Variants in XDH observed in about 807,000 individuals in gnomAD.
XDH encodes xanthine dehydrogenase/oxidase.
A neutral mutation model predicts 156.1 loss-of-function variants in XDH; 138 were observed. The ratio of observed to expected loss-of-function variants is 0.88; its 90% CI spans 0.77 to 1.02. The LOEUF (loss-of-function observed/expected upper bound fraction) is 1.02, where lower values mean the gene tolerates loss of function less well. Ranked by LOEUF, XDH falls within the 50% of genes least tolerant of loss-of-function variation. XDH has a pLI of 0.00. For synonymous variants in XDH, 669 were observed against 625.7 expected (o/e 1.07, Z -1.03); for missense variants, 1,849 against 1,684.9 (o/e 1.10, Z -1.71).
chr2:31,337,800 G>A lies in XDH; in HGVS notation c.3792C>T (p.Pro1264=), dbSNP rs113929916. 8.7e-6 allele frequency: 14 copies of A among 1,614,024 alleles called. No individual in the cohort carries two copies. The highest frequency in any genetic ancestry group is 3.3e-4 in the Middle Eastern group (2 of 6,080). ...AGAAGATAGAAGCAGCCAGGAAGAG[G>A]GGCGGCTCTCCAACAGCCTGAACAC... The part of the protein sequence containing the change: ...IYASKAVGEP[P]LFLAASIFFA... Residue 1264 remains proline (P), a synonymous_variant, in exon 35 of 36, where the codon CCC becomes CCT. Coordinates refer to ENST00000379416, the MANE Select transcript of XDH (RefSeq NM_000379.4).
chr2:31,375,011 C>G (rs1237337824), intron 15 of XDH, among the ~76,000 whole-genome samples: 2 of 109,902 alleles, frequency 1.8e-5, no homozygotes, highest in African/African-American at 4.8e-5. Flanking sequence ...TTCTTTCTTT[C>G]TTTCTTTCTT....
chr2:31,373,257 G>A (rs1686126843), intron 16 of XDH, among the ~76,000 whole-genome samples: 1 of 152,232 alleles, frequency 6.6e-6, no homozygotes, highest in Non-Finnish European at 1.5e-5. Flanking sequence ...AGGTTCCAGA[G>A]TTCATGCCTG....
intron 4 of XDH, among the ~76,000 whole-genome samples, chr2:31,400,350 T>C (rs891980493): frequency 6.6e-6 from 1 of 150,952 alleles, no homozygotes; most frequent in Non-Finnish European, 1.5e-5. Flanking sequence ...GCCATTCTCC[T>C]GCCTCAGCCT....
intron 2 of XDH, among the ~76,000 whole-genome samples, chr2:31,405,504 C>G (rs1572571728): frequency 6.6e-6 from 1 of 152,244 alleles, no homozygotes; most frequent in African/African-American, 2.4e-5. Flanking sequence ...TGTTCCCTTG[C>G]TTCCCTCCAC....
At chr2:31,345,776 G>T (rs1359028479) in intron 30 of XDH, among the ~76,000 whole-genome samples, 1 of 152,098 alleles carries the variant, frequency 6.6e-6, no homozygotes, top group Admixed American at 6.5e-5. Context: ...TCATTTATTG[G>T]GGTTATCTGT....
intron 1 of XDH, among the ~76,000 whole-genome samples, chr2:31,409,367 C>T (rs1687280946): frequency 6.6e-6 from 1 of 152,172 alleles, no homozygotes; most frequent in African/African-American, 2.4e-5. Flanking sequence ...AATTATTACA[C>T]ATTGCATGCC....
chr2:31,364,759 A>G (rs1685865276), intron 23 of XDH, among the ~76,000 whole-genome samples: 2 of 152,228 alleles, frequency 1.3e-5, no homozygotes, highest in South Asian at 2.1e-4. Flanking sequence ...AGATCAAGGA[A>G]TCCTCTTCAG....
intron 24 of XDH, among the ~76,000 whole-genome samples, chr2:31,356,428 T>C (rs944588310): frequency 2.6e-5 from 4 of 152,196 alleles, no homozygotes; most frequent in African/African-American, 4.8e-5. Context: ...TCCTGAACCA[T>C]TGGAGTGGAT....
At chr2:31,376,060 T>G (rs2148775326) in intron 14 of XDH, among the ~76,000 whole-genome samples, 1 of 152,186 alleles carries the variant, frequency 6.6e-6, no homozygotes, top group South Asian at 2.1e-4. Flanking sequence ...GTTAGTGAAG[T>G]GTTCGGTACA....
In XDH at chr2:31,346,863, C is replaced by A. The variant is rs1312375718; in HGVS notation, c.3277-20G>T. Reference sequence around the variant, plus strand: ...AGCCGCCTAAAGTAAACACCCCCCACACCCCAGACACATCAGTCCTCTGCA... The same window carrying A: ...AGCCGCCTAAAGTAAACACCCCCCAAACCCCAGACACATCAGTCCTCTGCA... On this transcript the variant is annotated intron_variant, in intron 29 of 35. Transcript: ENST00000379416. 1.9e-6 allele frequency: 3 copies of A among 1,613,856 alleles called. No homozygotes were observed. The highest frequency in any genetic ancestry group is 1.7e-5 in the Admixed American group (1 of 60,026).
rs551040439 is a variant in XDH at position 31,336,643 on chromosome 2, C to T, written c.3952-635G>A. 8.5e-4 allele frequency among the ~76,000 whole-genome samples: 128 copies of T among 151,006 alleles called. 2 individuals carry two copies. Among genetic ancestry groups the T allele is most frequent in the African/African-American group, 3.1e-3 (126 of 40,950 alleles). ...TGTAGTTCTCACTCCATAGCTAAAG[C>T]TCTTGGTAGACCCAAGGAAGACCTG... On this transcript the variant is annotated intron_variant, in intron 35 of 35. Transcript: ENST00000379416.
intron 6 of XDH, among the ~76,000 whole-genome samples, chr2:31,397,026 G>A (rs1254480663): frequency 6.6e-6 from 1 of 152,204 alleles, no homozygotes; most frequent in Non-Finnish European, 1.5e-5. Context: ...TGGCCCAATT[G>A]AGAAGTCAAG....
At chr2:31,339,806 G>T in intron 33 of XDH, 129 bp from the exon 34 acceptor site, 1 of 1,192,440 alleles carries the variant, frequency 8.4e-7, no homozygotes, top group Non-Finnish European at 1.2e-6. Flanking sequence ...GCCCTCTATT[G>T]CTTACCTGGC....
intron 16 of XDH, among the ~76,000 whole-genome samples, chr2:31,373,499 G>A (rs917483011): frequency 5.9e-5 from 9 of 151,712 alleles, no homozygotes; most frequent in East Asian, 1.9e-4. Flanking sequence ...GACCCTTTAC[G>A]TAGCACCTCT....
At chr2:31,381,059 G>A (rs903197118) in intron 12 of XDH, among the ~76,000 whole-genome samples, 1 of 151,090 alleles carries the variant, frequency 6.6e-6, no homozygotes, top group Non-Finnish European at 1.5e-5. Flanking sequence ...GCAGTGGTGA[G>A]ATCTCGGCTC....
At chr2:31,406,563 T>TA (rs886338120) in intron 1 of XDH, among the ~76,000 whole-genome samples, 2 of 152,226 alleles carry the variant, frequency 1.3e-5, no homozygotes, top group Non-Finnish European at 2.9e-5. Context: ...ACAATGTATA[T>TA]ACTCAAATCC....
chr2:31,408,383 G>A (rs1418914630), intron 1 of XDH, among the ~76,000 whole-genome samples: 1 of 152,174 alleles, frequency 6.6e-6, no homozygotes, highest in African/African-American at 2.4e-5. Flanking sequence ...TTACCATGGT[G>A]CACTCCATTG....
At chr2:31,407,405 G>C (rs1687222292) in intron 1 of XDH, among the ~76,000 whole-genome samples, 1 of 152,210 alleles carries the variant, frequency 6.6e-6, no homozygotes, top group Non-Finnish European at 1.5e-5. Context: ...GATAAAAAGA[G>C]CTGGCTTGGA....
chr2:31,363,277 CT>C (rs1226854829), intron 24 of XDH, among the ~76,000 whole-genome samples: 1 of 152,208 alleles, frequency 6.6e-6, no homozygotes, highest in Non-Finnish European at 1.5e-5. Flanking sequence ...TGCCACTGCA[CT>C]CCAGCCTGGC....
Sources: gnomAD v4.1 joint callset for allele counts (sites outside exome capture counted in the v4.1 genomes callset) on GRCh38, gnomAD v4.1.1 for gene constraint, MANE v1.5 for transcripts, NCBI Gene and HGNC (gene_info 2026-07-23, HGNC 2026-07-21) for gene names.